Variants in C13orf42 observed in about 807,000 individuals in gnomAD.
C13orf42 encodes the protein chromosome 13 open reading frame 42.
At chr13:51,096,867 T>C (rs1953239560) in intron 1 of C13orf42, among the ~76,000 whole-genome samples, 1 of 152,254 alleles carries the variant, frequency 6.6e-6, no homozygotes, top group Non-Finnish European at 1.5e-5. Context: ...AAACCAAAAC[T>C]ATAACAAACA....
intron 1 of C13orf42, among the ~76,000 whole-genome samples, chr13:51,163,903 A>G (rs1953885327): frequency 6.6e-6 from 1 of 152,152 alleles, no homozygotes; most frequent in South Asian, 2.1e-4. Flanking sequence ...AGTGGAATAG[A>G]GTCATAAGAA....
chr13:51,101,344 C>A (rs7997166), intron 1 of C13orf42, among the ~76,000 whole-genome samples: 21,562 of 152,142 alleles, frequency 0.14, 1,962 homozygotes, highest in Admixed American at 0.24. Flanking sequence ...CTTCCCTATA[C>A]TTTTCTGTGT....
At chr13:51,150,442 C>T (rs556470044) in intron 1 of C13orf42, among the ~76,000 whole-genome samples, 5 of 152,156 alleles carry the variant, frequency 3.3e-5, no homozygotes, top group Non-Finnish European at 5.9e-5. Context: ...TTCAATCACA[C>T]GGGAAGGGAG....
At chr13:51,140,509 C>T (rs1016842003) in intron 1 of C13orf42, among the ~76,000 whole-genome samples, 5 of 152,150 alleles carry the variant, frequency 3.3e-5, no homozygotes, top group Non-Finnish European at 7.4e-5. Context: ...TGACAAATCT[C>T]CTATCAATGC....
chr13:51,146,340 C>A (rs531504650), intron 1 of C13orf42, among the ~76,000 whole-genome samples: 1 of 152,118 alleles, frequency 6.6e-6, no homozygotes, highest in Non-Finnish European at 1.5e-5. Flanking sequence ...CTGTCAGCTA[C>A]GGTCCATGTG....
At chr13:51,129,095 C>T (rs543880234) in intron 1 of C13orf42, among the ~76,000 whole-genome samples, 257 of 152,270 alleles carry the variant, frequency 1.7e-3, no homozygotes, top group South Asian at 9.3e-3. Flanking sequence ...GTTAATTATC[C>T]GCAAGTGTCT....
At chr13:51,115,143 T>C (rs1018790560), upstream of C13orf42, among the ~76,000 whole-genome samples, 1 of 152,230 alleles carries the variant, frequency 6.6e-6, no homozygotes, top group South Asian at 2.1e-4. Flanking sequence ...TCCCAGCATA[T>C]AGTTGCCAAG....
At chr13:51,095,600 A>G (rs578253353) in intron 1 of C13orf42, among the ~76,000 whole-genome samples, 30 of 151,640 alleles carry the variant, frequency 2.0e-4, no homozygotes, top group African/African-American at 5.6e-4. Flanking sequence ...ACCCATCTTC[A>G]AGTCTGCTGA....
intron 1 of C13orf42, among the ~76,000 whole-genome samples, chr13:51,148,562 C>T (rs1473239250): frequency 6.6e-6 from 1 of 152,198 alleles, no homozygotes; most frequent in African/African-American, 2.4e-5. Context: ...AGGAAGAGCA[C>T]AGCTCATGCA....
chr13:51,146,729 A>G (rs967775594), intron 1 of C13orf42, among the ~76,000 whole-genome samples: 2 of 152,248 alleles, frequency 1.3e-5, no homozygotes, highest in Non-Finnish European at 2.9e-5. Flanking sequence ...AAAGGAGGCA[A>G]TCAAATACAC....
chr13:51,106,650 T>C (rs1395010548), intron 1 of C13orf42, among the ~76,000 whole-genome samples: 1 of 152,098 alleles, frequency 6.6e-6, no homozygotes, highest in East Asian at 1.9e-4. Context: ...ATACAGCTGA[T>C]TGCATGGGAG....
upstream of C13orf42, among the ~76,000 whole-genome samples, chr13:51,114,245 G>A (rs1327181451): frequency 6.6e-6 from 1 of 152,126 alleles, no homozygotes; most frequent in Non-Finnish European, 1.5e-5. Flanking sequence ...TGAATCACAG[G>A]TCAACTACCT....
intron 1 of C13orf42, among the ~76,000 whole-genome samples, chr13:51,148,368 C>T (rs1953754520): frequency 1.3e-5 from 2 of 152,216 alleles, no homozygotes; most frequent in South Asian, 4.1e-4. Flanking sequence ...CTGCCCTCAG[C>T]AGGGGAGGAG....
rs541728426 is a variant in C13orf42 at position 51,122,538 on chromosome 13, G to GA, written n.137-9317dup. ...GACAGAGCAAGAACTGTTCCAAAAA[G>GA]AAAAAAAAAAAAAAGAAAGAAAAAA... On this transcript the variant is annotated intron_variant and non_coding_transcript_variant, in intron 1 of 4. Transcript: ENST00000433280. Among the ~76,000 whole-genome samples, 411 of 81,488 alleles carry GA rather than the reference G, an allele frequency of 5.0e-3. 2 individuals are homozygous for GA. The highest frequency in any genetic ancestry group is 0.037 in the Middle Eastern group (6 of 160). The allele number at this position is 81,488 out of a possible 152,430, so 53.5% of individuals were successfully genotyped here. A position where few individuals can be genotyped will look rare whatever the true frequency, so the allele number is the denominator to read the frequency against.
chr13:51,154,530 T>C (rs1020485294), intron 1 of C13orf42, among the ~76,000 whole-genome samples: 1 of 152,194 alleles, frequency 6.6e-6, no homozygotes, highest in Admixed American at 6.5e-5. Flanking sequence ...CTAAAGACTT[T>C]CCATGTTTGA....
chr13:51,120,762 C>T (rs527619448), intron 1 of C13orf42, among the ~76,000 whole-genome samples: 1 of 152,220 alleles, frequency 6.6e-6, no homozygotes, highest in South Asian at 2.1e-4. Flanking sequence ...ACCTGTAATC[C>T]CAGCACTTTG....
intron 1 of C13orf42, among the ~76,000 whole-genome samples, chr13:51,157,923 C>T (rs1051768453): frequency 1.3e-4 from 20 of 152,146 alleles, no homozygotes; most frequent in Admixed American, 5.2e-4. Context: ...AAGAGGAAGG[C>T]GTGCAGCCTT....
intron 1 of C13orf42, among the ~76,000 whole-genome samples, chr13:51,108,893 G>A (rs1188961922): frequency 1.3e-5 from 2 of 152,206 alleles, no homozygotes; most frequent in Admixed American, 6.5e-5. Flanking sequence ...CATTCAAAGG[G>A]CTAGAACTGG....
chr13:51,112,043 AACTTAG>A (rs1355907321), upstream of C13orf42, among the ~76,000 whole-genome samples: 4 of 152,244 alleles, frequency 2.6e-5, no homozygotes, highest in African/African-American at 9.6e-5. Context: ...GCACATTTTT[AACTTAG>A]ACTAGTTAAC....
Sources: allele counts gnomAD v4.1 joint callset (sites outside exome capture counted in the v4.1 genomes callset), GRCh38; gene constraint gnomAD v4.1.1; transcripts MANE v1.5; gene names NCBI Gene and HGNC (gene_info 2026-07-23, HGNC 2026-07-21).